SMC6: variants seen among roughly 807,000 people sequenced by gnomAD.
SMC6 encodes structural maintenance of chromosomes protein 6.
A neutral mutation model predicts 142.2 loss-of-function variants in SMC6; 79 were observed. That is an observed-to-expected ratio of 0.56 (90% CI 0.46 to 0.67). The LOEUF is 0.67. Ranked by LOEUF, SMC6 falls within the 30% of genes least tolerant of loss-of-function variation. SMC6 has a pLI of 0.00. For synonymous variants in SMC6, 411 were observed against 412.4 expected, an observed-to-expected ratio of 1.00 and a Z score of 0.04; for missense variants, 1,072 against 1,284.0, an observed-to-expected ratio of 0.83 and a Z score of 2.52.
chr2:17,716,822 T>C lies in SMC6; in HGVS notation c.1265A>G (p.Asn422Ser), dbSNP rs1320524744. Residue 422 changes from asparagine (N) to serine (S), a missense_variant, in exon 14 of 28, where the codon AAT becomes AGT. Around this residue, in one of 3 missense-constraint regions of SMC6, gnomAD observed 994 missense variants for 1,153.2 expected, o/e 0.86. Transcript: ENST00000448223. The stretch of plus-strand genomic sequence containing the variant: ...CTCTTGATTGACTGAATTTTCTTGA[T>C]TTTGAAAGGCCTTTACTCTCTCTTT... ...WLKERVKAFQNQENSVNQEIE... is the reference protein window; with the variant it reads ...WLKERVKAFQSQENSVNQEIE... 1.9e-6 allele frequency: 3 copies of C among 1,613,580 alleles called. No homozygotes were observed. The highest frequency in any genetic ancestry group is 8.5e-7 in the Non-Finnish European group (1 of 1,179,824).
intron 1 of SMC6, among the ~76,000 whole-genome samples, chr2:17,753,424 G>A (rs1349724489): frequency 3.7e-5 from 3 of 80,570 alleles, no homozygotes; most frequent in Non-Finnish European, 8.0e-5. Context: ...GCCTCGGAGA[G>A]CGCGCGAAGG....
chr2:17,696,780 G>C (rs80237276), intron 21 of SMC6, among the ~76,000 whole-genome samples: 6,152 of 152,016 alleles, frequency 0.04, 160 homozygotes, highest in Middle Eastern at 0.078. Context: ...GGGTGGGTTC[G>C]GGAAAAAGCA....
At position 17,665,597 on chromosome 2, in the gene SMC6, T is replaced by C; in HGVS notation, c.3178A>G (p.Lys1060Glu). The change falls in exon 28 of 28, where the codon AAA becomes GAA. Residue 1060 changes from lysine to glutamate, a missense_variant. By Grantham distance (56) the Lys-to-Glu change is moderately conservative. Transcript: ENST00000448223. Reference sequence around the variant, plus strand: ...GACATTCGGAGAATTCTTATCAGTTTACTGGATGGAAGTGAACTAGAAGAA... The same window carrying C: ...GACATTCGGAGAATTCTTATCAGTTCACTGGATGGAAGTGAACTAGAAGAA... ...PQSMSSLPSSKLIRILRMSDP... is the reference protein window; with the variant it reads ...PQSMSSLPSSELIRILRMSDP... 1 of 1,608,342 alleles carries C rather than the reference T, an allele frequency of 6.2e-7. No homozygotes were observed. Among genetic ancestry groups the C allele is most frequent in the Non-Finnish European group, 8.5e-7 (1 of 1,176,410 alleles).
intron 23 of SMC6, among the ~76,000 whole-genome samples, chr2:17,687,481 T>C (rs184927401): frequency 3.1e-4 from 47 of 152,104 alleles, no homozygotes; most frequent in South Asian, 4.2e-4. Context: ...TTCAGGTACA[T>C]TGGTGAATGA....
At chr2:17,701,522 C>A (rs1668271799) in intron 20 of SMC6, among the ~76,000 whole-genome samples, 1 of 152,166 alleles carries the variant, frequency 6.6e-6, no homozygotes, top group Non-Finnish European at 1.5e-5. Context: ...ATGTGAAAAA[C>A]ACTATGCTCA....
intron 23 of SMC6, among the ~76,000 whole-genome samples, chr2:17,690,868 A>G (rs1410707929): frequency 1.3e-5 from 2 of 152,042 alleles, no homozygotes; most frequent in Non-Finnish European, 2.9e-5. Flanking sequence ...GGCTGTAGGA[A>G]AACAGGCACT....
intron 18 of SMC6, among the ~76,000 whole-genome samples, chr2:17,706,851 T>A (rs1012107007): frequency 2.6e-5 from 4 of 152,142 alleles, no homozygotes; most frequent in African/African-American, 9.7e-5. Flanking sequence ...TGAGCCAGAA[T>A]GTAAACCAGT....
chr2:17,721,286 C>T (rs891422409), intron 9 of SMC6, 25 bp from the exon 10 acceptor site: 27 of 1,531,144 alleles, frequency 1.8e-5, no homozygotes, highest in African/African-American at 5.6e-5. Context: ...ACAGAACGGA[C>T]GTATTTTTTA....
At chr2:17,711,865 C>T (rs990219985) in intron 16 of SMC6, among the ~76,000 whole-genome samples, 1 of 152,162 alleles carries the variant, frequency 6.6e-6, no homozygotes, top group African/African-American at 2.4e-5. Flanking sequence ...ATGATCCACG[C>T]GATTCGGCCT....
chr2:17,704,002 T>A (rs1429334487), intron 18 of SMC6, among the ~76,000 whole-genome samples: 2 of 151,984 alleles, frequency 1.3e-5, no homozygotes, highest in African/African-American at 4.8e-5. Flanking sequence ...GCCCCTAACC[T>A]CTGCACTGTT....
At chr2:17,725,461 A>T in intron 8 of SMC6, 103 bp from the exon 9 acceptor site, 2 of 678,582 alleles carry the variant, frequency 2.9e-6, no homozygotes, top group Non-Finnish European at 4.7e-6. Context: ...TTTTAGATCA[A>T]TGATGTAAAA....
intron 7 of SMC6, among the ~76,000 whole-genome samples, chr2:17,727,001 A>G (rs1039823345): frequency 2.6e-5 from 4 of 152,254 alleles, no homozygotes; most frequent in Non-Finnish European, 4.4e-5. Flanking sequence ...TTTTTCTTAC[A>G]GAAGTTCTTC....
chr2:17,753,689 G>T lies in SMC6; in HGVS notation c.-156C>A, dbSNP rs1445577225. 1 of 152,216 alleles carries T rather than the reference G, an allele frequency of 6.6e-6. No homozygotes were observed. The highest frequency in any genetic ancestry group is 2.4e-5 in the African/African-American group (1 of 41,466). The allele number at this position is 152,216 out of a possible 1,614,324, so 9.4% of individuals were successfully genotyped here. ...CGGGGCTGCCGTGGTACGACCGGCC[G>T]CTAAGGCCACCCTGCGGGCGTCTCG... On this transcript the variant is annotated 5_prime_UTR_variant, in exon 1 of 28. Coordinates refer to ENST00000448223, the MANE Select transcript of SMC6 (RefSeq NM_001142286.2).
chr2:17,673,258 T>C (rs1045690803), intron 25 of SMC6, among the ~76,000 whole-genome samples: 1 of 152,234 alleles, frequency 6.6e-6, no homozygotes, highest in African/African-American at 2.4e-5. Context: ...TCTTTCTTAC[T>C]ATTTTTTAAT....
chr2:17,671,338 T>C (rs1264538987), intron 25 of SMC6, among the ~76,000 whole-genome samples: 1 of 148,274 alleles, frequency 6.7e-6, no homozygotes, highest in East Asian at 2.0e-4. Flanking sequence ...TTGAAATATA[T>C]CTTTTAAAAG....
intron 7 of SMC6, among the ~76,000 whole-genome samples, chr2:17,728,049 TA>T (rs1272040537): frequency 6.6e-6 from 1 of 152,230 alleles, no homozygotes; most frequent in Non-Finnish European, 1.5e-5. Context: ...AACTTTCAAT[TA>T]AAAGCTTCAC....
chr2:17,685,659 G>A (rs1053600135), intron 23 of SMC6, among the ~76,000 whole-genome samples: 2 of 151,642 alleles, frequency 1.3e-5, no homozygotes, highest in Non-Finnish European at 2.9e-5. Context: ...AAAAATCATA[G>A]GTAATTAGAA....
At chr2:17,694,978 GA>G (rs1667922198) in intron 23 of SMC6, among the ~76,000 whole-genome samples, 173 bp downstream of exon 23, 1 of 152,212 alleles carries the variant, frequency 6.6e-6, no homozygotes, top group African/African-American at 2.4e-5. Context: ...TAGTTCAGAA[GA>G]AAAAAGGTTA....
intron 7 of SMC6, among the ~76,000 whole-genome samples, chr2:17,727,874 G>C (rs1031807185): frequency 1.3e-5 from 2 of 152,114 alleles, no homozygotes; most frequent in Admixed American, 1.3e-4. Flanking sequence ...CATTTATGTA[G>C]TTATAAACAA....
Sources: allele counts gnomAD v4.1 joint callset (sites outside exome capture counted in the v4.1 genomes callset), GRCh38; gene constraint gnomAD v4.1.1; regional missense constraint gnomAD v4.1.1; transcripts MANE v1.5; gene names NCBI Gene and HGNC (gene_info 2026-07-23, HGNC 2026-07-21).